Variants in TMEM72 observed in about 807,000 individuals in gnomAD.
The protein encoded by TMEM72 is transmembrane protein 72, also known as kidney-specific secretory protein of 37 kDa.
Under a neutral mutation model 16.3 loss-of-function variants are expected in TMEM72, and 9 were observed. The ratio of observed to expected loss-of-function variants is 0.55; its 90% CI spans 0.33 to 0.96. The LOEUF is 0.96. Among genes scored for constraint, TMEM72 ranks in the 40% least tolerant of loss-of-function variants. The pLI is 0.03. For missense variants in TMEM72, 324 were observed against 337.8 expected, an observed-to-expected ratio of 0.96 and a Z score of 0.32; for synonymous variants, 160 against 146.5, an observed-to-expected ratio of 1.09 and a Z score of -0.66.
intron 3 of TMEM72, among the ~76,000 whole-genome samples, chr10:44,933,041 C>T (rs1169687028): frequency 6.6e-6 from 1 of 152,268 alleles, no homozygotes; most frequent in Non-Finnish European, 1.5e-5. Flanking sequence ...GGTCTAAAGG[C>T]AGGCACTTGC....
rs1291904071 is a variant in TMEM72 at position 44,927,943 on chromosome 10, G to A, written c.93G>A (p.Glu31=). The A allele has an allele frequency of 6.2e-7, 1 of 1,613,214 alleles. No homozygotes were observed. The highest frequency in any genetic ancestry group is 8.5e-7 in the Non-Finnish European group (1 of 1,179,716). Residue 31 remains glutamate (E), a synonymous_variant, in exon 2 of 5, where the codon GAG becomes GAA. Coordinates refer to ENST00000389583, the MANE Select transcript of TMEM72 (RefSeq NM_001123376.3). ...TAGTGTTGATCGGCGTGGGCACTGA[G>A]ACCTTCCTCCAGGGCCAGTTCAAAA... is the stretch of plus-strand genomic sequence containing the variant. ...TAAVLIGVGT[E]TFLQGQFKSL... is the part of the protein sequence containing the mutation.
chr10:44,919,388 C>CTAATAGAAT (rs1487301370), intron 1 of TMEM72, among the ~76,000 whole-genome samples: 1 of 152,138 alleles, frequency 6.6e-6, no homozygotes, highest in African/African-American at 2.4e-5. Context: ...TGTAGAAAAT[C>CTAATAGAAT]TAATAGAATC....
intron 1 of TMEM72, among the ~76,000 whole-genome samples, chr10:44,922,740 C>G (rs1440125532): frequency 6.6e-6 from 1 of 152,182 alleles, no homozygotes; most frequent in Non-Finnish European, 1.5e-5. Context: ...ATAAAACCAC[C>G]AATAGGATTC....
chr10:44,931,168 G>A (rs1109423), intron 2 of TMEM72, among the ~76,000 whole-genome samples: 18,592 of 152,232 alleles, frequency 0.12, 1,366 homozygotes, highest in Middle Eastern at 0.18. Context: ...TCCAGGAAAA[G>A]CTCACTTGTG....
At chr10:44,921,671 G>A (rs1840100536) in intron 1 of TMEM72, among the ~76,000 whole-genome samples, 1 of 152,200 alleles carries the variant, frequency 6.6e-6, no homozygotes, top group Admixed American at 6.5e-5. Flanking sequence ...TTCCACACTG[G>A]ACTAGCACCC....
Position 44,934,754 on chromosome 10 carries a change from A to G in TMEM72, c.448A>G (p.Thr150Ala). The change falls in exon 5 of 5, where the codon ACA becomes GCA. Residue 150 changes from threonine (T) to alanine (A), a missense_variant. Thr to Ala is a moderately conservative substitution (Grantham distance 58, BLOSUM62 0). Transcript: ENST00000389583. ...GGTGCTGGCCTCCCCAGAGCAGTAC[A>G]CAGACCCCTCTAGCAGCGCTGTGAG... ...PEVLASPEQY[T>A]DPSSSAVSTT... The G allele has an allele frequency of 3.1e-6, 5 of 1,613,606 alleles. No individual in the cohort carries two copies. The highest frequency in any genetic ancestry group is 4.2e-6 in the Non-Finnish European group (5 of 1,179,990).
intron 1 of TMEM72, chr10:44,923,271 T>G (rs1270738281): frequency 6.6e-6 from 1 of 152,302 alleles, no homozygotes; most frequent in Non-Finnish European, 1.5e-5. Flanking sequence ...TCCTGTGCAA[T>G]GCTGAACCAG....
intron 1 of TMEM72, among the ~76,000 whole-genome samples, chr10:44,927,401 A>C (rs910671831): frequency 6.7e-6 from 1 of 149,240 alleles, no homozygotes; most frequent in African/African-American, 2.5e-5. Flanking sequence ...TTGTCAGAGA[A>C]AAACCCCAGG....
intron 1 of TMEM72, among the ~76,000 whole-genome samples, chr10:44,916,282 A>T (rs1018164447): frequency 3.9e-5 from 6 of 152,130 alleles, no homozygotes; most frequent in Non-Finnish European, 5.9e-5. Flanking sequence ...ATCAACCTGG[A>T]ATCACTGAGG....
chr10:44,924,573 A>T (rs926451274), intron 1 of TMEM72, among the ~76,000 whole-genome samples: 1 of 152,196 alleles, frequency 6.6e-6, no homozygotes, highest in Admixed American at 6.5e-5. Context: ...CTGCCTGAAC[A>T]TTGAGACCAG....
Position 44,911,421 on chromosome 10 carries a change from G to T in TMEM72, c.-92G>T. On this transcript the variant is annotated 5_prime_UTR_variant, in exon 1 of 5. Coordinates refer to ENST00000389583, the MANE Select transcript of TMEM72 (RefSeq NM_001123376.3). ...CCCCGGTGTGCAGCCACAGCCAGCA[G>T]CCTCCTACCTACACAAGGGTGTTCG... 7.3e-7 allele frequency: 1 copy of T among 1,363,112 alleles called. No individual in the cohort carries two copies. The allele number at this position is 1,363,112 out of a possible 1,614,324, so 84.4% of individuals were successfully genotyped here. A position where few individuals can be genotyped will look rare whatever the true frequency, so the allele number is the denominator to read the frequency against.
intron 3 of TMEM72, among the ~76,000 whole-genome samples, chr10:44,933,010 A>G (rs553148905): frequency 1.2e-4 from 18 of 152,270 alleles, no homozygotes; most frequent in African/African-American, 4.1e-4. Context: ...CTCTAGGCCA[A>G]TTCAGAGGAT....
At chr10:44,916,847 C>T (rs1418115454) in intron 1 of TMEM72, among the ~76,000 whole-genome samples, 2 of 152,120 alleles carry the variant, frequency 1.3e-5, no homozygotes, top group Non-Finnish European at 2.9e-5. Context: ...AGATTTATAA[C>T]AAGAAATCTG....
At chr10:44,931,711 T>C (rs2132728718) in intron 2 of TMEM72, 1 of 458,818 alleles carries the variant, frequency 2.2e-6, no homozygotes. Flanking sequence ...GGTAGAAGGA[T>C]GTGCCTGCCA....
At position 44,935,163 on chromosome 10, in the gene TMEM72, G is replaced by A. The variant is rs372805391; in HGVS notation, c.*29G>A. ...CTTGCTCCAGCCTGGAGGACGCTCA[G>A]TGAGGGGTCTACCTAGCTCAATGGC... On this transcript the variant is annotated 3_prime_UTR_variant, in exon 5 of 5. Coordinates refer to ENST00000389583, the MANE Select transcript of TMEM72 (RefSeq NM_001123376.3). 7.2e-5 allele frequency: 111 copies of A among 1,539,428 alleles called. 1 individual carries two copies. Among genetic ancestry groups the A allele is most frequent in the Middle Eastern group, 4.8e-4 (2 of 4,180 alleles).
In TMEM72 at chr10:44,929,960, C is replaced by T. The variant is rs142814937; in HGVS notation, c.137+1973C>T. On this transcript the variant is annotated intron_variant, in intron 2 of 4. Coordinates refer to ENST00000389583, the MANE Select transcript of TMEM72 (RefSeq NM_001123376.3). ...ACCCTCCGTGTCTAACTGACCATGT[C>T]CCTAGCCGCTGTGCACCATTGCCCT... is the stretch of plus-strand genomic sequence containing the variant. Among the ~76,000 whole-genome samples, 862 of 152,392 alleles carry T rather than the reference C, an allele frequency of 5.7e-3. 3 individuals carry two copies. The highest frequency in any genetic ancestry group is 8.4e-3 in the Non-Finnish European group (573 of 68,044).
At chr10:44,911,699 A>AT (rs1839940582) in intron 1 of TMEM72, 117 bp downstream of exon 1, 5 of 1,212,926 alleles carry the variant, frequency 4.1e-6, no homozygotes, top group Middle Eastern at 1.9e-4. Context: ...CTGTGCTTCA[A>AT]TTTTTTTCCC....
intron 3 of TMEM72, 106 bp downstream of exon 3, chr10:44,932,175 C>A: frequency 7.5e-7 from 1 of 1,340,824 alleles, no homozygotes; most frequent in Non-Finnish European, 1.0e-6. Context: ...CTCCTGAAGC[C>A]ACTGTGGACA....
chr10:44,924,259 T>C (rs574647970), intron 1 of TMEM72, among the ~76,000 whole-genome samples: 50 of 152,290 alleles, frequency 3.3e-4, no homozygotes, highest in Non-Finnish European at 5.9e-4. Flanking sequence ...TGCACAGGTC[T>C]ATTCCTGCTG....
Sources: gnomAD v4.1 joint callset for allele counts (sites outside exome capture counted in the v4.1 genomes callset) on GRCh38, gnomAD v4.1.1 for gene constraint, MANE v1.5 for transcripts, NCBI Gene and HGNC (gene_info 2026-07-23, HGNC 2026-07-21) for gene names.